The following SCFD2 variants were observed in gnomAD, a reference collection of about 807,000 sequenced individuals.
SCFD2 encodes the protein sec1 family domain-containing protein 2.
In SCFD2, 54 loss-of-function variants were observed where a neutral mutation model predicts 58.9. That is an observed-to-expected ratio of 0.92 (90% CI 0.74 to 1.15). The LOEUF (loss-of-function observed/expected upper bound fraction) is 1.15, where lower values mean the gene tolerates loss of function less well. Ranked by LOEUF, SCFD2 falls within the 50% of genes most tolerant of loss-of-function variation. The pLI is 0.00. For synonymous variants in SCFD2, 321 were observed against 335.9 expected (o/e 0.96, Z 0.49); for missense variants, 805 against 836.6 (o/e 0.96, Z 0.47).
intron 4 of SCFD2, among the ~76,000 whole-genome samples, chr4:53,254,787 C>T (rs1210171467): frequency 3.3e-5 from 5 of 150,822 alleles, no homozygotes; most frequent in Non-Finnish European, 5.9e-5. Flanking sequence ...GAAGCAAACA[C>T]TTCATGTTTA....
rs1269731391 is a variant in SCFD2, at chr4:52,874,472, C to T, written c.1963-411G>A. 4.1e-4 allele frequency among the ~76,000 whole-genome samples: 63 copies of T among 152,202 alleles called. 1 individual carries two copies. The highest frequency in any genetic ancestry group is 8.8e-5 in the Non-Finnish European group (6 of 68,028). ...CTCCCCATTTCAGGGAGCCTTTGCT[C>T]CTCCAGGGAGCATGAGAAGGCACAT... is the stretch of plus-strand genomic sequence containing the variant. On this transcript the variant is annotated intron_variant, in intron 8 of 8. Transcript: ENST00000401642.
At chr4:53,165,239 A>G (rs1056671706) in intron 4 of SCFD2, among the ~76,000 whole-genome samples, 1 of 152,210 alleles carries the variant, frequency 6.6e-6, no homozygotes, top group African/African-American at 2.4e-5. Flanking sequence ...ATGCCACTGA[A>G]CTGTTTGAGT....
At chr4:53,258,471 T>A (rs1486578580) in intron 4 of SCFD2, among the ~76,000 whole-genome samples, 2 of 150,304 alleles carry the variant, frequency 1.3e-5, no homozygotes, top group African/African-American at 4.9e-5. Flanking sequence ...TCCAATTCCA[T>A]CAAGGTTGCT....
chr4:52,941,585 T>C (rs1448259778), intron 5 of SCFD2, among the ~76,000 whole-genome samples: 2 of 152,170 alleles, frequency 1.3e-5, no homozygotes, highest in Admixed American at 6.5e-5. Flanking sequence ...CAGCGAGTAT[T>C]GGGAAGCCAG....
intron 4 of SCFD2, among the ~76,000 whole-genome samples, chr4:53,206,653 T>C (rs1424233992): frequency 6.6e-6 from 1 of 152,134 alleles, no homozygotes; most frequent in Non-Finnish European, 1.5e-5. Flanking sequence ...CCTATACATG[T>C]ATCACTGACA....
chr4:53,019,272 A>G (rs947335339), intron 5 of SCFD2, among the ~76,000 whole-genome samples: 5 of 152,234 alleles, frequency 3.3e-5, no homozygotes, highest in Non-Finnish European at 5.9e-5. Flanking sequence ...TACAACATTA[A>G]AAACAAACTT....
At chr4:53,077,921 T>A (rs1160489018) in intron 5 of SCFD2, among the ~76,000 whole-genome samples, 1 of 152,142 alleles carries the variant, frequency 6.6e-6, no homozygotes, top group Non-Finnish European at 1.5e-5. Flanking sequence ...TGATAAACTG[T>A]CAAGTTTTTC....
chr4:53,248,649 C>T (rs889110185), intron 4 of SCFD2, among the ~76,000 whole-genome samples: 1 of 152,178 alleles, frequency 6.6e-6, no homozygotes, highest in Non-Finnish European at 1.5e-5. Flanking sequence ...GGAGACACCC[C>T]CCAGTAGGGG....
intron 5 of SCFD2, among the ~76,000 whole-genome samples, chr4:53,036,167 G>A (rs13124269): frequency 6.6e-6 from 1 of 151,790 alleles, no homozygotes; most frequent in South Asian, 2.1e-4. Context: ...CCATCAACTC[G>A]TCATTTACAT....
chr4:53,102,197 T>C (rs1185900874), intron 5 of SCFD2, among the ~76,000 whole-genome samples: 5 of 152,198 alleles, frequency 3.3e-5, no homozygotes, highest in South Asian at 2.1e-4. Context: ...GTTGGGACAA[T>C]TGGAAAGCCA....
intron 5 of SCFD2, among the ~76,000 whole-genome samples, chr4:53,001,392 C>T (rs1404067059): frequency 5.9e-5 from 9 of 152,060 alleles, no homozygotes; most frequent in East Asian, 3.9e-4. Flanking sequence ...TGCCTTTTAC[C>T]GAACTGTTTT....
intron 4 of SCFD2, among the ~76,000 whole-genome samples, chr4:53,201,130 C>T (rs867801107): frequency 6.6e-6 from 1 of 151,778 alleles, no homozygotes; most frequent in Admixed American, 6.6e-5. Context: ...CCCATTAATT[C>T]GTCATTTAGC....
intron 5 of SCFD2, among the ~76,000 whole-genome samples, chr4:53,046,731 G>A (rs563088582): frequency 6.6e-6 from 1 of 152,156 alleles, no homozygotes; most frequent in East Asian, 1.9e-4. Context: ...GCAATGGCAT[G>A]ATCTCGGCTC....
chr4:53,162,905 C>A (rs1726897591), intron 4 of SCFD2, among the ~76,000 whole-genome samples: 1 of 151,966 alleles, frequency 6.6e-6, no homozygotes, highest in Admixed American at 6.6e-5. Flanking sequence ...TAAAAGCTGT[C>A]TGTAGAAATG....
chr4:52,969,493 A>G (rs1721042516), intron 5 of SCFD2, among the ~76,000 whole-genome samples: 1 of 152,216 alleles, frequency 6.6e-6, no homozygotes, highest in African/African-American at 2.4e-5. Flanking sequence ...TTGTTCTTCC[A>G]GGCACACAGT....
At chr4:53,359,645 A>C (rs575166402) in intron 1 of SCFD2, among the ~76,000 whole-genome samples, 13 of 152,320 alleles carry the variant, frequency 8.5e-5, no homozygotes, top group African/African-American at 2.9e-4. Flanking sequence ...CTGGCTAAAC[A>C]ATGCCTCAAT....
intron 8 of SCFD2, among the ~76,000 whole-genome samples, chr4:52,883,093 T>G (rs538042159): frequency 1.3e-5 from 2 of 152,240 alleles, no homozygotes; most frequent in African/African-American, 4.8e-5. Context: ...ACATGTGTTC[T>G]CGAACAGAAG....
intron 7 of SCFD2, among the ~76,000 whole-genome samples, chr4:52,900,142 TCTCAA>T (rs1273777309): frequency 6.6e-6 from 1 of 152,202 alleles, no homozygotes; most frequent in Non-Finnish European, 1.5e-5. Flanking sequence ...AGCCTTCCTC[TCTCAA>T]CTCGTCAAAG....
intron 3 of SCFD2, among the ~76,000 whole-genome samples, chr4:53,281,040 C>T (rs1429336844): frequency 1.3e-5 from 2 of 152,212 alleles, no homozygotes; most frequent in Non-Finnish European, 2.9e-5. Flanking sequence ...TTCCTCTTGG[C>T]TCTGCGGCCG....
Sources: allele counts gnomAD v4.1 joint callset (sites outside exome capture counted in the v4.1 genomes callset), GRCh38; gene constraint gnomAD v4.1.1; transcripts MANE v1.5; gene names NCBI Gene and HGNC (gene_info 2026-07-23, HGNC 2026-07-21).